The following MRAS variants were observed in gnomAD, a reference collection of about 807,000 sequenced individuals.
MRAS encodes ras-related protein M-Ras.
In MRAS, 4 loss-of-function variants were observed where a neutral mutation model predicts 20.9. The observed-to-expected ratio is 0.19, with a 90% CI of 0.09 to 0.44. MRAS has a LOEUF of 0.44. MRAS is among the 20% of genes least tolerant of loss of function. The pLI is 0.99. For missense variants in MRAS, 154 were observed against 277.5 expected, an observed-to-expected ratio of 0.56 and a Z score of 3.16; for synonymous variants, 98 against 102.9, an observed-to-expected ratio of 0.95 and a Z score of 0.29.
chr3:138,356,627 C>T (rs186867108), intron 1 of MRAS, among the ~76,000 whole-genome samples: 273 of 152,308 alleles, frequency 1.8e-3, no homozygotes, highest in Non-Finnish European at 3.3e-3. Flanking sequence ...TTATTATAAC[C>T]AGAGATGATA....
chr3:138,361,556 C>A (rs1576345737), intron 1 of MRAS, among the ~76,000 whole-genome samples: 1 of 152,210 alleles, frequency 6.6e-6, no homozygotes, highest in East Asian at 1.9e-4. Flanking sequence ...AGGGGCCCAC[C>A]CTTGGGCAGG....
chr3:138,397,672 G>T (rs2055269577), intron 3 of MRAS, among the ~76,000 whole-genome samples, 195 bp downstream of exon 3: 1 of 152,092 alleles, frequency 6.6e-6, no homozygotes, highest in Non-Finnish European at 1.5e-5. Flanking sequence ...TTCTCAAAGA[G>T]GCTATGTAAT....
chr3:138,369,339 G>A (rs1345810998), intron 1 of MRAS, among the ~76,000 whole-genome samples: 3 of 152,192 alleles, frequency 2.0e-5, no homozygotes, highest in African/African-American at 7.2e-5. Flanking sequence ...GGCTCAAAGC[G>A]CAGGTGGAGG....
At chr3:138,382,973 A>G (rs34140440) in intron 2 of MRAS, among the ~76,000 whole-genome samples, 13,391 of 152,168 alleles carry the variant, frequency 0.088, 668 homozygotes, top group Non-Finnish European at 0.11. Flanking sequence ...TGTTGCCTCT[A>G]TCAGCCTGTG....
chr3:138,397,587 C>T (rs760973677), intron 3 of MRAS, 110 bp downstream of exon 3: 9 of 1,338,316 alleles, frequency 6.7e-6, no homozygotes, highest in Admixed American at 2.5e-5. Flanking sequence ...TAATTAAAGG[C>T]GTGGATTTTT....
At chr3:138,381,670 CCT>C (rs2054907887) in intron 2 of MRAS, among the ~76,000 whole-genome samples, 1 of 152,258 alleles carries the variant, frequency 6.6e-6, no homozygotes, top group Non-Finnish European at 1.5e-5. Context: ...AGCTCCGCAA[CCT>C]CTCTGTCTCC....
At chr3:138,355,902 G>A (rs1423817561) in intron 1 of MRAS, among the ~76,000 whole-genome samples, 1 of 152,198 alleles carries the variant, frequency 6.6e-6, no homozygotes, top group Admixed American at 6.5e-5. Context: ...CTGTGCTTCA[G>A]CCTGGCGACA....
chr3:138,377,836 T>C (rs2054817414), intron 2 of MRAS, among the ~76,000 whole-genome samples: 1 of 152,236 alleles, frequency 6.6e-6, no homozygotes, highest in Non-Finnish European at 1.5e-5. Context: ...GACGGGGTAT[T>C]GAATGGGCAG....
chr3:138,395,143 T>TGATTCTCCTGCCTCA (rs1487620091), intron 2 of MRAS, among the ~76,000 whole-genome samples: 28 of 151,996 alleles, frequency 1.8e-4, no homozygotes, highest in African/African-American at 6.5e-4. Context: ...TGGGTTCAAG[T>TGATTCTCCTGCCTCA]GATTCTCCTG....
At chr3:138,378,857 A>G (rs1280110206) in intron 2 of MRAS, among the ~76,000 whole-genome samples, 2 of 152,170 alleles carry the variant, frequency 1.3e-5, no homozygotes, top group South Asian at 2.1e-4. Context: ...CTCTGTACCT[A>G]TTAAACACTG....
chr3:138,361,179 G>A (rs2054439020), intron 1 of MRAS, among the ~76,000 whole-genome samples: 1 of 152,184 alleles, frequency 6.6e-6, no homozygotes, highest in Non-Finnish European at 1.5e-5. Context: ...ATCGTTTCTG[G>A]GGGATAGGAC....
rs571043019 is a variant in MRAS at position 138,354,129 on chromosome 3, C to T, written c.-19+5362C>T. On this transcript the variant is annotated intron_variant, in intron 1 of 5. Transcript: ENST00000423968. ...GGTGAGGCAGCAGAGGTGCAGAAGA[C>T]GCTGGCTGGCAAAGAGAGGCAGCGA... Among the ~76,000 whole-genome samples the T allele has an allele frequency of 5.3e-5, 8 of 152,314 alleles. No individual in the cohort carries two copies. In the East Asian group the frequency reaches 5.8e-4, roughly 11 times the overall value.
rs1454921822 is a variant in MRAS, at chr3:138,405,209, A to T, written c.*2940A>T. On this transcript the variant is annotated 3_prime_UTR_variant, in exon 6 of 6. Coordinates refer to ENST00000423968, the MANE Select transcript of MRAS (RefSeq NM_001085049.3). ...TGGCTGGCCTCGTGGGGCCTGTCTC[A>T]CTTTTCCAGGAGACATGACCCACTA... is the stretch of plus-strand genomic sequence containing the variant. The T allele has an allele frequency of 6.6e-6, 1 of 152,566 alleles. No individual in the cohort carries two copies. The highest frequency in any genetic ancestry group is 1.5e-5 in the Non-Finnish European group (1 of 68,036). 9.5% of individuals were successfully genotyped at this position (152,566 alleles called of 1,614,324 possible).
chr3:138,384,160 G>A (rs752056879), intron 2 of MRAS, among the ~76,000 whole-genome samples: 2 of 151,798 alleles, frequency 1.3e-5, no homozygotes, highest in African/African-American at 2.4e-5. Flanking sequence ...ACAGGGTTTT[G>A]TAGGTAAATG....
intron 1 of MRAS, among the ~76,000 whole-genome samples, chr3:138,362,069 G>C (rs2054459747): frequency 6.6e-6 from 1 of 152,164 alleles, no homozygotes; most frequent in Non-Finnish European, 1.5e-5. Flanking sequence ...TGGGCAGGGG[G>C]CACTGTGAGG....
intron 4 of MRAS, among the ~76,000 whole-genome samples, chr3:138,399,830 A>G (rs1480089683): frequency 6.6e-6 from 1 of 152,136 alleles, no homozygotes; most frequent in Non-Finnish European, 1.5e-5. Context: ...TCCTGACCTC[A>G]TAGAGCCTTT....
intron 5 of MRAS, among the ~76,000 whole-genome samples, chr3:138,401,794 T>C (rs148348085): frequency 3.3e-5 from 5 of 152,342 alleles, no homozygotes; most frequent in African/African-American, 1.2e-4. Context: ...TTACGCTCAG[T>C]TGACCCATCA....
intron 1 of MRAS, among the ~76,000 whole-genome samples, chr3:138,372,120 A>T (rs2054686963): frequency 6.6e-6 from 1 of 152,078 alleles, no homozygotes; most frequent in Non-Finnish European, 1.5e-5. Flanking sequence ...TGCTGAACAG[A>T]TGCCAGTGGT....
intron 1 of MRAS, among the ~76,000 whole-genome samples, chr3:138,365,660 C>T (rs565844432): frequency 2.6e-4 from 39 of 152,312 alleles, no homozygotes; most frequent in Non-Finnish European, 4.3e-4. Context: ...GGTCCTGAGC[C>T]GTTCCTATGG....
Sources: gnomAD v4.1 joint callset for allele counts (sites outside exome capture counted in the v4.1 genomes callset) on GRCh38, gnomAD v4.1.1 for gene constraint, MANE v1.5 for transcripts, NCBI Gene and HGNC (gene_info 2026-07-23, HGNC 2026-07-21) for gene names.